Variants in ZNF709 observed in about 807,000 individuals in gnomAD.
ZNF709 encodes the protein zinc finger protein 709.
A neutral mutation model predicts 10.6 loss-of-function variants in ZNF709; 15 were observed. That is an observed-to-expected ratio of 1.41 (90% CI 0.95 to 2.18). The LOEUF is 2.18. ZNF709 is among the 30% of genes most tolerant of loss of function. The pLI is 0.00. For synonymous variants in ZNF709, 194 were observed against 238.8 expected (o/e 0.81, Z 1.73); for missense variants, 589 against 774.0 (o/e 0.76, Z 2.84).
intron 1 of ZNF709, among the ~76,000 whole-genome samples, chr19:12,479,355 G>A (rs558190987): frequency 2.1e-4 from 32 of 152,120 alleles, no homozygotes; most frequent in Non-Finnish European, 3.2e-4. Context: ...GCTAGAGCAA[G>A]TGCCCTGGCT....
intron 1 of ZNF709, among the ~76,000 whole-genome samples, chr19:12,478,411 T>C (rs1970693861): frequency 6.6e-6 from 1 of 152,214 alleles, no homozygotes; most frequent in African/African-American, 2.4e-5. Flanking sequence ...GGGCTCAACA[T>C]GCAGCACAGA....
At chr19:12,478,684 C>G (rs931590387) in intron 1 of ZNF709, among the ~76,000 whole-genome samples, 1 of 152,224 alleles carries the variant, frequency 6.6e-6, no homozygotes, top group Non-Finnish European at 1.5e-5. Context: ...GCAGGGCAGG[C>G]TGCCCAAGCA....
Position 12,463,947 on chromosome 19 carries a change from A to AT in ZNF709, c.*48_*49insA. The AT allele has an allele frequency of 2.5e-6, 3 of 1,216,140 alleles. No individual in the cohort carries two copies. The highest frequency in any genetic ancestry group is 3.3e-6 in the Non-Finnish European group (3 of 919,284). The allele number at this position is 1,216,140 out of a possible 1,614,324, so 75.3% of individuals were successfully genotyped here. ...AACTCAAAAAAAAAAAAAAAAAAAA[A>AT]GGAAATAGGACAACTGAAAACTTTG... On this transcript the variant is annotated 3_prime_UTR_variant, in exon 4 of 4. Coordinates refer to ENST00000397732, the MANE Select transcript of ZNF709 (RefSeq NM_152601.4).
rs1021458902 is a variant in ZNF709 at position 12,462,927 on chromosome 19, A to T, written c.*1069T>A. On this transcript the variant is annotated 3_prime_UTR_variant, in exon 4 of 4. Coordinates refer to ENST00000397732, the MANE Select transcript of ZNF709 (RefSeq NM_152601.4). Reference sequence around the variant, plus strand: ...TGTGTACAACTGTATAAGAGCTTACAGAATTATCTCATCTCAGTGTTCTTT... The same window carrying T: ...TGTGTACAACTGTATAAGAGCTTACTGAATTATCTCATCTCAGTGTTCTTT... 6.6e-6 allele frequency: 1 copy of T among 152,232 alleles called. No individual in the cohort carries two copies. Among genetic ancestry groups the T allele is most frequent in the East Asian group, 1.9e-4 (1 of 5,198 alleles). The allele number at this position is 152,232 out of a possible 1,614,324, so 9.4% of individuals were successfully genotyped here. A position where few individuals can be genotyped will look rare whatever the true frequency, so the allele number is the denominator to read the frequency against.
At chr19:12,474,243 A>G (rs1333435426) in intron 1 of ZNF709, among the ~76,000 whole-genome samples, 2 of 152,102 alleles carry the variant, frequency 1.3e-5, no homozygotes, top group South Asian at 2.1e-4. Context: ...CTATGCTTCT[A>G]TGAGTTTGAT....
At chr19:12,470,620 T>G (rs1046826763) in intron 1 of ZNF709, among the ~76,000 whole-genome samples, 7 of 152,272 alleles carry the variant, frequency 4.6e-5, no homozygotes, top group South Asian at 2.1e-4. Context: ...CCCGCCAACC[T>G]AAGTGATAAA....
Position 12,464,873 on chromosome 19 carries a change from C to T in ZNF709, c.1049G>A (p.Ser350Asn), listed in dbSNP as rs201572415. ...GTGCATTATCATATGTCTTCGATAG[C>T]TTGGAAGAGAAATGAATGCTTTCCC... ...ECGKAFISLP[S>N]YRRHMIMHTG... Residue 350 changes from serine (S) to asparagine (N), a missense_variant, in exon 4 of 4, where the codon AGC becomes AAC. Ser to Asn is a conservative substitution (Grantham distance 46). Coordinates refer to ENST00000397732, the MANE Select transcript of ZNF709 (RefSeq NM_152601.4). 6.1e-5 allele frequency: 98 copies of T among 1,613,712 alleles called. No individual in the cohort carries two copies. The highest frequency in any genetic ancestry group is 7.5e-5 in the Non-Finnish European group (89 of 1,179,918).
chr19:12,462,590 G>T lies in ZNF709; in HGVS notation c.*1406C>A, dbSNP rs942741303. 3 of 152,002 alleles carry T rather than the reference G, an allele frequency of 2.0e-5. No individual in the cohort carries two copies. Among genetic ancestry groups the T allele is most frequent in the African/African-American group, 7.2e-5 (3 of 41,398 alleles). 9.4% of individuals were successfully genotyped at this position (152,002 alleles called of 1,614,324 possible). A position where few individuals can be genotyped will look rare whatever the true frequency, so the allele number is the denominator to read the frequency against. ...CTTTGCAGACTCAAAAATTTATTATGATTATTTTTTAGCATAAAAAATAGA... is the reference window on the plus strand; with the variant it reads ...CTTTGCAGACTCAAAAATTTATTATTATTATTTTTTAGCATAAAAAATAGA... On this transcript the variant is annotated 3_prime_UTR_variant, in exon 4 of 4. Transcript: ENST00000397732.
rs145378117 is a variant in ZNF709 at position 12,464,086 on chromosome 19, T to A, written c.1836A>T (p.Gly612=). The A allele has an allele frequency of 6.4e-4, 1,006 of 1,560,326 alleles. 10 individuals carry two copies. In the Admixed American group the frequency reaches 0.018, roughly 28 times the overall value. ...SFRIHERTHT[G]EKPYACQQCG... The stretch of plus-strand genomic sequence containing the variant: ...ATTGTTGACATGCATAGGGTTTCTC[T>A]CCAGTGTGAGTTCGTTCATGGATTC... The change falls in exon 4 of 4, where the codon GGA becomes GGT. Residue 612 remains glycine, a synonymous_variant. Transcript: ENST00000397732.
chr19:12,484,538 G>A lies in ZNF709; in HGVS notation c.3+117C>T, dbSNP rs1428560051. 2.8e-6 allele frequency: 4 copies of A among 1,417,682 alleles called. No individual in the cohort carries two copies. In the East Asian group the frequency reaches 9.6e-5, roughly 34 times the overall value. 87.8% of individuals were successfully genotyped at this position (1,417,682 alleles called of 1,614,324 possible). On this transcript the variant is annotated intron_variant, in intron 1 of 3. Coordinates refer to ENST00000397732, the MANE Select transcript of ZNF709 (RefSeq NM_152601.4). Reference sequence around the variant, plus strand: ...GGGCCGAGCTGCGCCAGGAGGACTCGGGTCCACAGACCCGGGAGACAACGG... The same window carrying A: ...GGGCCGAGCTGCGCCAGGAGGACTCAGGTCCACAGACCCGGGAGACAACGG...
chr19:12,464,097 T>C lies in ZNF709; in HGVS notation c.1825A>G (p.Thr609Ala). The change falls in exon 4 of 4, where the codon ACT becomes GCT. Residue 609 changes from threonine (T) to alanine (A), a missense_variant. This residue lies in a region of ZNF709 where 171 missense variants were observed against 277.7 expected (regional missense o/e 0.62). Transcript: ENST00000397732. ...GCATAGGGTTTCTCTCCAGTGTGAGTTCGTTCATGGATTCGAAAGGAACGT... is the reference window on the plus strand; with the variant it reads ...GCATAGGGTTTCTCTCCAGTGTGAGCTCGTTCATGGATTCGAAAGGAACGT... ...CSRSFRIHER[T>A]HTGEKPYACQ... The C allele has an allele frequency of 1.3e-6, 2 of 1,562,918 alleles. No homozygotes were observed. The highest frequency in any genetic ancestry group is 1.7e-6 in the Non-Finnish European group (2 of 1,159,456).
At chr19:12,482,003 G>GGA (rs1970731835) in intron 1 of ZNF709, among the ~76,000 whole-genome samples, 1 of 119,614 alleles carries the variant, frequency 8.4e-6, no homozygotes, top group Admixed American at 8.5e-5. Context: ...AGGAAAGGAA[G>GGA]AAGGAAAGGA....
intron 1 of ZNF709, 102 bp downstream of exon 1, chr19:12,484,553 G>A (rs2145014243): frequency 6.6e-7 from 1 of 1,515,820 alleles, no homozygotes; most frequent in African/African-American, 1.4e-5. Flanking sequence ...CACAGACCCG[G>A]GAGACAACGG....
intron 1 of ZNF709, among the ~76,000 whole-genome samples, chr19:12,475,522 T>C (rs1970669159): frequency 6.6e-6 from 1 of 152,120 alleles, no homozygotes; most frequent in African/African-American, 2.4e-5. Flanking sequence ...AAATCCAACA[T>C]GCATTTATGA....
At position 12,466,711 on chromosome 19, in the gene ZNF709, A is replaced by G. The variant is rs769730018; in HGVS notation, c.130+13T>C. 1 of 1,614,042 alleles carries G rather than the reference A, an allele frequency of 6.2e-7. No individual in the cohort carries two copies. The highest frequency in any genetic ancestry group is 8.5e-7 in the Non-Finnish European group (1 of 1,180,008). ...CTCTAATTGACTAAGTGAGGGAATAATTTCATTCTTACCTATAGAGGCCAA... is the reference window on the plus strand; with the variant it reads ...CTCTAATTGACTAAGTGAGGGAATAGTTTCATTCTTACCTATAGAGGCCAA... On this transcript the variant is annotated intron_variant, in intron 2 of 3. Coordinates refer to ENST00000397732, the MANE Select transcript of ZNF709 (RefSeq NM_152601.4).
chr19:12,483,070 T>C (rs1315185218), intron 1 of ZNF709, among the ~76,000 whole-genome samples: 1 of 152,114 alleles, frequency 6.6e-6, no homozygotes, highest in Non-Finnish European at 1.5e-5. Context: ...GAACTTGCTA[T>C]ACATTCTCAG....
At chr19:12,471,161 T>G (rs1401659733) in intron 1 of ZNF709, among the ~76,000 whole-genome samples, 2 of 152,142 alleles carry the variant, frequency 1.3e-5, no homozygotes, top group Non-Finnish European at 2.9e-5. Flanking sequence ...GCCCATTCCA[T>G]GTGATTACAT....
intron 1 of ZNF709, among the ~76,000 whole-genome samples, chr19:12,470,456 CTG>C (rs1282195481): frequency 6.6e-5 from 10 of 152,200 alleles, no homozygotes; most frequent in African/African-American, 2.4e-4. Flanking sequence ...GTGCAGAAGA[CTG>C]TTAACATTAG....
intron 1 of ZNF709, among the ~76,000 whole-genome samples, chr19:12,478,871 G>C (rs1176464841): frequency 6.6e-6 from 1 of 152,118 alleles, no homozygotes; most frequent in Non-Finnish European, 1.5e-5. Context: ...AAGAGAGAAG[G>C]GTGACGCTTA....
Sources: allele counts gnomAD v4.1 joint callset (sites outside exome capture counted in the v4.1 genomes callset), GRCh38; gene constraint gnomAD v4.1.1; regional missense constraint gnomAD v4.1.1; transcripts MANE v1.5; gene names NCBI Gene and HGNC (gene_info 2026-07-23, HGNC 2026-07-21).